The following CC2D2A variants were observed in gnomAD, a reference collection of about 807,000 sequenced individuals.
The protein encoded by CC2D2A is coiled-coil and C2 domain-containing protein 2A.
CC2D2A carries 155 observed loss-of-function variants against 212.9 expected under a neutral mutation model. The ratio of observed to expected loss-of-function variants is 0.73; its 90% confidence interval spans 0.64 to 0.83. The LOEUF (loss-of-function observed/expected upper bound fraction) is 0.83, where lower values mean the gene tolerates loss of function less well. Ranked by LOEUF, CC2D2A falls within the 40% of genes least tolerant of loss-of-function variation. CC2D2A has a pLI of 0.00. For synonymous variants in CC2D2A, 667 were observed against 686.5 expected (o/e 0.97, Z 0.44); for missense variants, 1,856 against 1,956.2 (o/e 0.95, Z 0.97).
chr4:15,479,099 C>A lies in CC2D2A; in HGVS notation c.123+293C>A, dbSNP rs1032400794. ...AGGACTCTAGAAAAGATGGAAGGAG[C>A]CTGTTTTAGTGCTTCATTGAAGGCC... On this transcript the variant is annotated intron_variant, in intron 3 of 36. Transcript: ENST00000424120. 4.0e-5 allele frequency: 30 copies of A among 751,914 alleles called. 1 individual carries two copies. The highest frequency in any genetic ancestry group is 2.4e-4 in the South Asian group (16 of 66,718). 46.6% of individuals were successfully genotyped at this position (751,914 alleles called of 1,614,324 possible).
chr4:15,510,432 C>T (rs1333002983), intron 7 of CC2D2A, among the ~76,000 whole-genome samples, 192 bp downstream of exon 7: 1 of 151,928 alleles, frequency 6.6e-6, no homozygotes, highest in South Asian at 2.1e-4. Flanking sequence ...CCCATCTCTA[C>T]AAAAAATACA....
At chr4:15,504,814 C>G (rs1300131363) in intron 6 of CC2D2A, among the ~76,000 whole-genome samples, 1 of 152,198 alleles carries the variant, frequency 6.6e-6, no homozygotes, top group Non-Finnish European at 1.5e-5. Flanking sequence ...TAGGACATCT[C>G]ACAGCCACAT....
Position 15,567,380 on chromosome 4 carries a change from A to C in CC2D2A, c.3186A>C (p.Lys1062Asn). Residue 1062 changes from lysine to asparagine, a missense_variant, in exon 25 of 37, where the codon AAA becomes AAC. This residue lies in a region of CC2D2A where 1,512 missense variants were observed against 1,579.3 expected (regional missense o/e 0.96). Transcript: ENST00000424120. ...CTTCATACATTTTCTCTCCTAGCAA[A>C]TTCCAGCAGCCGTCGAGGTCTTCAA... The part of the protein sequence containing the change: ...DIPVRKPAVS[K>N]FQQPSRSSRM... 4 of 1,612,090 alleles carry C rather than the reference A, an allele frequency of 2.5e-6. No homozygotes were observed. Among genetic ancestry groups the C allele is most frequent in the Non-Finnish European group, 3.4e-6 (4 of 1,178,842 alleles).
intron 3 of CC2D2A, among the ~76,000 whole-genome samples, chr4:15,480,042 A>T (rs1369666567): frequency 6.6e-6 from 1 of 152,208 alleles, no homozygotes; most frequent in East Asian, 1.9e-4. Context: ...ATCCCGGGCC[A>T]TCTATTTACG....
intron 29 of CC2D2A, among the ~76,000 whole-genome samples, chr4:15,579,542 T>C (rs1450678414): frequency 3.3e-5 from 5 of 152,190 alleles, no homozygotes; most frequent in Non-Finnish European, 7.3e-5. Flanking sequence ...CCATTTAACA[T>C]GAGTTGCTTA....
intron 30 of CC2D2A, among the ~76,000 whole-genome samples, chr4:15,583,368 A>G (rs1054774528): frequency 6.6e-6 from 1 of 152,236 alleles, no homozygotes; most frequent in Non-Finnish European, 1.5e-5. Context: ...AATAAAGGGC[A>G]TCCAGATTTG....
At chr4:15,549,325 C>T (rs1718874586) in intron 17 of CC2D2A, among the ~76,000 whole-genome samples, 1 of 152,192 alleles carries the variant, frequency 6.6e-6, no homozygotes, top group Admixed American at 6.5e-5. Context: ...TACGGGCTTC[C>T]TGCTGAACTC....
chr4:15,532,274 C>T (rs1717885761), intron 13 of CC2D2A, among the ~76,000 whole-genome samples: 1 of 152,188 alleles, frequency 6.6e-6, no homozygotes, highest in African/African-American at 2.4e-5. Flanking sequence ...CTGCCATCTT[C>T]CTTTTCTACA....
intron 36 of CC2D2A, 59 bp from the exon 37 acceptor site, chr4:15,601,178 G>C: frequency 7.3e-7 from 1 of 1,370,000 alleles, no homozygotes. Flanking sequence ...ATTTACGTAG[G>C]AAAAAATGTA....
chr4:15,570,462 A>G lies in CC2D2A; in HGVS notation c.3560A>G (p.Lys1187Arg), dbSNP rs529422545. Residue 1187 changes from lysine (K) to arginine (R), a missense_variant, in exon 28 of 37, where the codon AAA becomes AGA. Physicochemically the swap from Lys to Arg is conservative, Grantham distance 26. Transcript: ENST00000424120. Reference protein sequence around the residue: ...RIERHWLGCVKMPFSTIYFQA... With the variant: ...RIERHWLGCVRMPFSTIYFQA... The stretch of plus-strand genomic sequence containing the variant: ...GAGAGACACTGGCTGGGATGTGTGA[A>G]AATGCCATTTAGCACAATATATTTC... The G allele has an allele frequency of 3.1e-6, 5 of 1,608,596 alleles. No individual in the cohort carries two copies. The South Asian group carries it at 5.6e-5, about 18-fold the overall frequency.
At chr4:15,582,921 A>G (rs1027849110) in intron 30 of CC2D2A, among the ~76,000 whole-genome samples, 2 of 152,198 alleles carry the variant, frequency 1.3e-5, no homozygotes, top group Admixed American at 1.3e-4. Context: ...TAGGATAAAC[A>G]TAGCTCTAAA....
intron 28 of CC2D2A, among the ~76,000 whole-genome samples, chr4:15,570,996 C>A (rs772730838): frequency 2.0e-5 from 3 of 152,166 alleles, no homozygotes; most frequent in Non-Finnish European, 4.4e-5. Context: ...AGAAACAAAC[C>A]TCTAAAGCCA....
chr4:15,555,180 C>T lies in CC2D2A; in HGVS notation c.2595C>T (p.Pro865=), dbSNP rs770469717. The change falls in exon 20 of 37, where the codon CCC becomes CCT. Residue 865 remains proline (P), a synonymous_variant. Coordinates refer to ENST00000424120, the MANE Select transcript of CC2D2A (RefSeq NM_001378615.1). ...AAESKLDPND[P]NNAPLMQLIS... Reference sequence around the variant, plus strand: ...AGTCCAAGCTCGACCCAAATGACCCCAACAATGCCCCTTTGATGCAGCTTA... The same window carrying T: ...AGTCCAAGCTCGACCCAAATGACCCTAACAATGCCCCTTTGATGCAGCTTA... 90 of 1,613,656 alleles carry T rather than the reference C, an allele frequency of 5.6e-5. No individual in the cohort carries two copies. Among genetic ancestry groups the T allele is most frequent in the Middle Eastern group, 3.3e-4 (2 of 6,082 alleles).
chr4:15,584,007 G>C (rs1255155805), intron 30 of CC2D2A, among the ~76,000 whole-genome samples: 1 of 151,432 alleles, frequency 6.6e-6, no homozygotes, highest in Non-Finnish European at 1.5e-5. Flanking sequence ...AGAAATTGAG[G>C]AAGGCACAAA....
At chr4:15,485,211 A>G (rs9998697) in intron 4 of CC2D2A, among the ~76,000 whole-genome samples, 71,423 of 152,122 alleles carry the variant, frequency 0.47, 17,494 homozygotes, top group African/African-American at 0.6. Context: ...GCTCCCACAT[A>G]TGAGTGAAAA....
At chr4:15,559,844 CAG>C (rs1719482434) in intron 22 of CC2D2A, among the ~76,000 whole-genome samples, 1 of 151,900 alleles carries the variant, frequency 6.6e-6, no homozygotes, top group Non-Finnish European at 1.5e-5. Flanking sequence ...ATATTTGAGA[CAG>C]GGGGCTGGTT....
intron 6 of CC2D2A, among the ~76,000 whole-genome samples, chr4:15,505,025 A>G (rs562073769): frequency 3.5e-4 from 54 of 152,272 alleles, no homozygotes; most frequent in African/African-American, 1.3e-3. Flanking sequence ...TCTATAAAAC[A>G]GGGGTAATTC....
chr4:15,478,168 C>A (rs1324834091), intron 2 of CC2D2A, among the ~76,000 whole-genome samples: 2 of 152,108 alleles, frequency 1.3e-5, no homozygotes, highest in African/African-American at 4.8e-5. Flanking sequence ...ACGAAGTTTG[C>A]GCTGTTAAAG....
At chr4:15,534,571 A>C (rs1292979734) in intron 14 of CC2D2A, among the ~76,000 whole-genome samples, 2 of 152,222 alleles carry the variant, frequency 1.3e-5, no homozygotes, top group Non-Finnish European at 2.9e-5. Flanking sequence ...TATCACAACA[A>C]GAGCATCTAT....
Sources: gnomAD v4.1 joint callset for allele counts (sites outside exome capture counted in the v4.1 genomes callset) on GRCh38, gnomAD v4.1.1 for gene constraint, gnomAD v4.1.1 regional missense constraint, MANE v1.5 for transcripts, NCBI Gene and HGNC (gene_info 2026-07-23, HGNC 2026-07-21) for gene names.